The following MYCT1 variants were observed in gnomAD, a reference collection of about 807,000 sequenced individuals.
The protein encoded by MYCT1 is myc target protein 1.
A neutral mutation model predicts 15.0 loss-of-function variants in MYCT1; 12 were observed. That is an observed-to-expected ratio of 0.80 (90% CI 0.51 to 1.29). MYCT1 has a LOEUF of 1.29. Among genes scored for constraint, MYCT1 ranks in the 50% most tolerant of loss-of-function variants. The probability of loss-of-function intolerance (pLI) is 0.00; values close to 1 mark genes in which losing one functional copy is unlikely to be tolerated. For synonymous variants in MYCT1, 104 were observed against 102.7 expected (o/e 1.01, Z -0.07); for missense variants, 287 against 279.1 (o/e 1.03, Z -0.20).
intron 1 of MYCT1, among the ~76,000 whole-genome samples, chr6:152,698,590 T>C (rs1334902260): frequency 6.6e-6 from 1 of 152,138 alleles, no homozygotes; most frequent in Non-Finnish European, 1.5e-5. Context: ...ATTTCCAAAG[T>C]GAATCCTAAT....
chr6:152,703,239 TA>T (rs1235205939), intron 1 of MYCT1, among the ~76,000 whole-genome samples: 1 of 152,230 alleles, frequency 6.6e-6, no homozygotes, highest in Admixed American at 6.5e-5. Context: ...TCCATTTCTT[TA>T]ACAATGGTGA....
chr6:152,735,062 T>C, the MYCT1 span, among the ~76,000 whole-genome samples: 1 of 152,220 alleles, frequency 6.6e-6, no homozygotes, highest in Non-Finnish European at 1.5e-5. Flanking sequence ...AAAGGAAATT[T>C]ATCTCCAATG....
At chr6:152,720,230 G>A (rs562432542) in intron 1 of MYCT1, among the ~76,000 whole-genome samples, 1 of 152,064 alleles carries the variant, frequency 6.6e-6, no homozygotes, top group South Asian at 2.1e-4. Flanking sequence ...TTATTTATAT[G>A]CTGACAATGG....
In MYCT1 at chr6:152,718,314, T is replaced by A. The variant is rs184191548; in HGVS notation, c.197-3428T>A. Among the ~76,000 whole-genome samples the A allele has an allele frequency of 1.1e-4, 16 of 152,348 alleles. No individual in the cohort carries two copies. The East Asian group carries it at 1.3e-3, about 13-fold the overall frequency. ...TAGTTTTCTTACATCAGAACAATAA[T>A]GTATTTTGGAAATAAAACAGTCATC... On this transcript the variant is annotated intron_variant, in intron 1 of 1. Transcript: ENST00000367245.
chr6:152,701,598 T>C (rs2099721333), intron 1 of MYCT1, among the ~76,000 whole-genome samples: 1 of 151,888 alleles, frequency 6.6e-6, no homozygotes, highest in African/African-American at 2.4e-5. Context: ...GGAGGGGTTA[T>C]ATATTCTGTG....
chr6:152,724,233 C>CAT lies in MYCT1; in HGVS notation c.*1980_*1981insAT, dbSNP rs369865041. On this transcript the variant is annotated 3_prime_UTR_variant, in exon 2 of 2. Transcript: ENST00000367245. ...GAATATTAACTTGGTATCAGGGCTA[C>CAT]TTTTTTTTTTTTTTTTTTACTTGCA... 1 of 137,726 alleles carries CAT rather than the reference C, an allele frequency of 7.3e-6. No homozygotes were observed. Among genetic ancestry groups the CAT allele is most frequent in the Non-Finnish European group, 1.6e-5 (1 of 63,782 alleles). 8.5% of individuals were successfully genotyped at this position (137,726 alleles called of 1,614,324 possible). A position where few individuals can be genotyped will look rare whatever the true frequency, so the allele number is the denominator to read the frequency against.
Position 152,721,934 on chromosome 6 carries a change from G to A in MYCT1, c.389G>A (p.Gly130Asp). 6.2e-7 allele frequency: 1 copy of A among 1,614,148 alleles called. No homozygotes were observed. The change falls in exon 2 of 2, where the codon GGC becomes GAC. Residue 130 changes from glycine to aspartate, a missense_variant. Physicochemically the swap from Gly to Asp is moderately conservative, Grantham distance 94. Transcript: ENST00000367245. ...LNRTGFYRHS[G>D]CERRSNLSLA... ...AGAACTGGATTTTACCGCCACAGTG[G>A]CTGTGAACGTCGAAGCAACCTCAGC... is the stretch of plus-strand genomic sequence containing the variant.
intron 1 of MYCT1, among the ~76,000 whole-genome samples, chr6:152,708,018 G>C (rs1350003832): frequency 6.6e-6 from 1 of 151,762 alleles, no homozygotes; most frequent in African/African-American, 2.4e-5. Context: ...CAAACAGCCT[G>C]TTTATTGGAC....
chr6:152,742,535 A>C, the MYCT1 span, among the ~76,000 whole-genome samples: 1 of 152,166 alleles, frequency 6.6e-6, no homozygotes, highest in Non-Finnish European at 1.5e-5. Flanking sequence ...GATTATAAAC[A>C]AGGGAATGAT....
chr6:152,741,528 TAAATC>T, the MYCT1 span, among the ~76,000 whole-genome samples: 1 of 152,100 alleles, frequency 6.6e-6, no homozygotes, highest in Non-Finnish European at 1.5e-5. Flanking sequence ...GAGGCATAAT[TAAATC>T]AATTGATTAT....
At position 152,722,242 on chromosome 6, in the gene MYCT1, C is replaced by A; in HGVS notation, c.697C>A (p.Pro233Thr). 1 of 1,610,254 alleles carries A rather than the reference C, an allele frequency of 6.2e-7. No individual in the cohort carries two copies. Among genetic ancestry groups the A allele is most frequent in the Non-Finnish European group, 8.5e-7 (1 of 1,178,064 alleles). ...PAYESIIKAF[P>T]DS ...CTATGAGTCCATCATCAAGGCATTC[C>A]CAGATTCCTGAGTAGGGTGGCTTTT... Residue 233 changes from proline (P) to threonine (T), a missense_variant, in exon 2 of 2, where the codon CCA (proline) becomes ACA (threonine). Transcript: ENST00000367245.
chr6:152,736,098 A>T, the MYCT1 span, among the ~76,000 whole-genome samples: 1 of 152,126 alleles, frequency 6.6e-6, no homozygotes, highest in South Asian at 2.1e-4. Flanking sequence ...GTTAAAACCA[A>T]CAAAGGGCCA....
the MYCT1 span, among the ~76,000 whole-genome samples, chr6:152,737,291 G>A: frequency 6.6e-6 from 1 of 151,682 alleles, no homozygotes; most frequent in African/African-American, 2.4e-5. Flanking sequence ...GCTTCTTAAG[G>A]TCTTGGCTAG....
chr6:152,702,741 TC>T (rs1200745096), intron 1 of MYCT1, among the ~76,000 whole-genome samples: 2 of 152,362 alleles, frequency 1.3e-5, no homozygotes, highest in Non-Finnish European at 1.5e-5. Context: ...TGTCTCAAAT[TC>T]GTTTTTTCAA....
chr6:152,727,384 A>C (rs2099725845), downstream of MYCT1, among the ~76,000 whole-genome samples: 1 of 152,178 alleles, frequency 6.6e-6, no homozygotes, highest in Admixed American at 6.5e-5. Context: ...GGGAGACACA[A>C]AGTATGAGCC....
At chr6:152,745,121 A>G in the MYCT1 span, among the ~76,000 whole-genome samples, 4 of 152,124 alleles carry the variant, frequency 2.6e-5, no homozygotes, top group Non-Finnish European at 5.9e-5. Flanking sequence ...TCTCAAAGTT[A>G]CCAAGCTTCG....
downstream of MYCT1, chr6:152,724,709 T>G (rs2099725330): frequency 1.3e-5 from 2 of 152,092 alleles, no homozygotes; most frequent in South Asian, 4.1e-4. Flanking sequence ...TTATTAAAAT[T>G]TATTGCATAA....
the MYCT1 span, among the ~76,000 whole-genome samples, chr6:152,732,310 C>T: frequency 6.6e-6 from 1 of 152,066 alleles, no homozygotes; most frequent in Non-Finnish European, 1.5e-5. Context: ...AATTAAAAGT[C>T]ATGCAAATCA....
Position 152,724,300 on chromosome 6 carries a change from T to C in MYCT1, c.*2047T>C, listed in dbSNP as rs2099725240. 6.6e-6 allele frequency: 1 copy of C among 151,464 alleles called. No homozygotes were observed. Among genetic ancestry groups the C allele is most frequent in the Non-Finnish European group, 1.5e-5 (1 of 67,912 alleles). 9.4% of individuals were successfully genotyped at this position (151,464 alleles called of 1,614,324 possible). On this transcript the variant is annotated 3_prime_UTR_variant, in exon 2 of 2. Transcript: ENST00000367245. ...TAACATGAAAAATCAGCAAAGAGTA[T>C]GGTTTTTATCAAGAATTTGTGTTGG...
Sources: gnomAD v4.1 joint callset for allele counts (sites outside exome capture counted in the v4.1 genomes callset) on GRCh38, gnomAD v4.1.1 for gene constraint, MANE v1.5 for transcripts, NCBI Gene and HGNC (gene_info 2026-07-23, HGNC 2026-07-21) for gene names.